Variants in IFI27L1 observed in about 807,000 individuals in gnomAD.
IFI27L1 encodes interferon alpha-inducible protein 27-like protein 1.
In IFI27L1, 3 loss-of-function variants were observed where a neutral mutation model predicts 9.2. The ratio of observed to expected loss-of-function variants is 0.32; its 90% CI spans 0.15 to 0.84. IFI27L1 has a LOEUF of 0.84. Ranked by LOEUF, IFI27L1 falls within the 40% of genes least tolerant of loss-of-function variation. IFI27L1 has a pLI of 0.56. For missense variants in IFI27L1, 133 were observed against 134.2 expected, an observed-to-expected ratio of 0.99 and a Z score of 0.05; for synonymous variants, 53 against 50.0, an observed-to-expected ratio of 1.06 and a Z score of -0.26.
chr14:94,101,726 C>G, intron 3 of IFI27L1, 88 bp from the exon 4 acceptor site: 1 of 1,377,134 alleles, frequency 7.3e-7, no homozygotes, highest in Non-Finnish European at 1.0e-6. Flanking sequence ...CACAGCAGAC[C>G]CCTCCTCCTC....
At chr14:94,093,167 C>CTTTTTT (rs66928480) in intron 1 of IFI27L1, among the ~76,000 whole-genome samples, 32 of 125,442 alleles carry the variant, frequency 2.6e-4, no homozygotes, top group Middle Eastern at 4.2e-3. Context: ...CATTTCTTTT[C>CTTTTTT]TTTTTTTTTT....
intron 2 of IFI27L1, chr14:94,100,396 G>A (rs1322787619): frequency 2.0e-6 from 2 of 985,304 alleles, no homozygotes; most frequent in South Asian, 4.7e-5. Context: ...TGCCCCCGTG[G>A]CAGCCATTGT....
chr14:94,088,378 C>T (rs1050935109), intron 1 of IFI27L1: 50 of 701,606 alleles, frequency 7.1e-5, no homozygotes, highest in East Asian at 1.9e-4. Flanking sequence ...ATCCCAGTTT[C>T]GTGATCATGG....
chr14:94,088,299 A>G (rs191337204), intron 1 of IFI27L1: 1 of 702,284 alleles, frequency 1.4e-6, no homozygotes, highest in African/African-American at 1.7e-5. Flanking sequence ...TGCGAGATGC[A>G]GAAGGTAAGT....
rs556220630 is a variant in IFI27L1 at position 94,089,826 on chromosome 14, C to T, written c.-51-7061C>T. 3.3e-5 allele frequency among the ~76,000 whole-genome samples: 5 copies of T among 152,196 alleles called. No homozygotes were observed. The East Asian group carries it at 5.8e-4, about 18-fold the overall frequency. On this transcript the variant is annotated intron_variant, in intron 1 of 4. Coordinates refer to ENST00000555523, the MANE Select transcript of IFI27L1 (RefSeq NM_206949.3). ...GTAATTTCTTCAGACTGAATAGGGG[C>T]GATGATATTCCTGCCTAACTATTAG... is the stretch of plus-strand genomic sequence containing the variant.
chr14:94,096,577 C>T (rs767452855), intron 1 of IFI27L1, among the ~76,000 whole-genome samples: 7 of 151,770 alleles, frequency 4.6e-5, no homozygotes, highest in Non-Finnish European at 4.4e-5. Context: ...ACCTGTAATC[C>T]CAGCTACTCA....
At chr14:94,084,992 TG>T (rs1248607801) in intron 1 of IFI27L1, among the ~76,000 whole-genome samples, 1 of 150,740 alleles carries the variant, frequency 6.6e-6, no homozygotes, top group Non-Finnish European at 1.5e-5. Flanking sequence ...CAAGACCCTG[TG>T]TGGGGGAAAA....
intron 1 of IFI27L1, among the ~76,000 whole-genome samples, chr14:94,093,754 G>GT (rs55908125): frequency 6.6e-6 from 1 of 151,954 alleles, no homozygotes; most frequent in African/African-American, 2.4e-5. Flanking sequence ...ATGTACTATT[G>GT]TTTTTTGCAT....
intron 1 of IFI27L1, among the ~76,000 whole-genome samples, chr14:94,084,549 C>T (rs919921590): frequency 2.0e-5 from 3 of 152,172 alleles, no homozygotes; most frequent in African/African-American, 7.2e-5. Flanking sequence ...GTCAGATTAA[C>T]ATCCAAAGGA....
chr14:94,093,881 ATGAG>A (rs538879474), intron 1 of IFI27L1, among the ~76,000 whole-genome samples: 3 of 152,160 alleles, frequency 2.0e-5, no homozygotes, highest in South Asian at 4.1e-4. Context: ...GAATGAAAGA[ATGAG>A]TGAAGAGAAA....
intron 1 of IFI27L1, among the ~76,000 whole-genome samples, chr14:94,093,312 A>G (rs1377607945): frequency 2.0e-5 from 3 of 148,142 alleles, no homozygotes; most frequent in Non-Finnish European, 3.0e-5. Flanking sequence ...GACTACAGAC[A>G]CCCGCCACCA....
At chr14:94,098,222 CAG>C (rs552909401) in intron 2 of IFI27L1, among the ~76,000 whole-genome samples, 1 of 152,202 alleles carries the variant, frequency 6.6e-6, no homozygotes, top group Non-Finnish European at 1.5e-5. Flanking sequence ...AGTCTGAAAT[CAG>C]AGTGTCCCAG....
chr14:94,100,613 A>T lies in IFI27L1; in HGVS notation c.29-126A>T. The T allele has an allele frequency of 2.5e-6, 4 of 1,575,126 alleles. No homozygotes were observed. In the East Asian group the frequency reaches 9.0e-5, roughly 36 times the overall value. On this transcript the variant is annotated intron_variant, in intron 2 of 4. Transcript: ENST00000555523. ...CACCTCTGACCTATGGCCTAGGATG[A>T]GTAGGGGGCTTCAGAAGAGGGAAAG...
At chr14:94,086,680 G>A (rs1288060650) in intron 1 of IFI27L1, among the ~76,000 whole-genome samples, 1 of 152,160 alleles carries the variant, frequency 6.6e-6, no homozygotes, top group Non-Finnish European at 1.5e-5. Flanking sequence ...CAAGACAACA[G>A]CCCTAATCAA....
chr14:94,099,313 G>A (rs76254104), intron 2 of IFI27L1, among the ~76,000 whole-genome samples: 1,630 of 152,288 alleles, frequency 0.011, 31 homozygotes, highest in African/African-American at 0.036. Context: ...AGACTTGCTG[G>A]TGAGAGCAGG....
intron 1 of IFI27L1, among the ~76,000 whole-genome samples, chr14:94,084,437 G>A (rs1886212705): frequency 6.6e-6 from 1 of 152,220 alleles, no homozygotes; most frequent in Admixed American, 6.5e-5. Context: ...AAGAGGTCAA[G>A]GCTGCAGTGA....
chr14:94,089,857 C>T (rs1159045193), intron 1 of IFI27L1, among the ~76,000 whole-genome samples: 1 of 152,146 alleles, frequency 6.6e-6, no homozygotes, highest in Non-Finnish European at 1.5e-5. Context: ...ATTAGGGTCT[C>T]TTGTATTCAG....
intron 1 of IFI27L1, among the ~76,000 whole-genome samples, chr14:94,095,911 G>A (rs1886649202): frequency 6.6e-6 from 1 of 152,222 alleles, no homozygotes; most frequent in African/African-American, 2.4e-5. Context: ...AGAGAACAAT[G>A]TTGCATTGTG....
At chr14:94,100,820 C>G (rs777743101) in intron 3 of IFI27L1, 49 bp downstream of exon 3, 1 of 1,600,582 alleles carries the variant, frequency 6.2e-7, no homozygotes, top group Admixed American at 1.7e-5. Flanking sequence ...CGCCTCCCCC[C>G]AGCCCTGAGC....
Sources: allele counts gnomAD v4.1 joint callset (sites outside exome capture counted in the v4.1 genomes callset), GRCh38; gene constraint gnomAD v4.1.1; transcripts MANE v1.5; gene names NCBI Gene and HGNC (gene_info 2026-07-23, HGNC 2026-07-21).